Variants in SLC24A4 observed in about 807,000 individuals in gnomAD.
SLC24A4 encodes the protein sodium/potassium/calcium exchanger 4.
In SLC24A4, 53 loss-of-function variants were observed where a neutral mutation model predicts 79.0. The ratio of observed to expected loss-of-function variants is 0.67; its 90% CI spans 0.54 to 0.84. The LOEUF (loss-of-function observed/expected upper bound fraction) is 0.84, where lower values mean the gene tolerates loss of function less well. SLC24A4 is among the 40% of genes least tolerant of loss of function. SLC24A4 has a pLI of 0.00. For synonymous variants in SLC24A4, 323 were observed against 323.8 expected (o/e 1.00, Z 0.03); for missense variants, 731 against 822.0 (o/e 0.89, Z 1.35).
At chr14:92,428,991 A>G (rs1021833462) in intron 2 of SLC24A4, among the ~76,000 whole-genome samples, 1 of 152,230 alleles carries the variant, frequency 6.6e-6, no homozygotes, top group African/African-American at 2.4e-5. Context: ...GGGAAAGGAA[A>G]CGTCAGTGGT....
chr14:92,383,874 G>A (rs188351719), intron 2 of SLC24A4, among the ~76,000 whole-genome samples: 10 of 152,258 alleles, frequency 6.6e-5, no homozygotes, highest in East Asian at 3.9e-4. Flanking sequence ...CAGCATTTCC[G>A]CGGGAAGATC....
At chr14:92,492,320 T>C in intron 16 of SLC24A4, 80 bp downstream of exon 16, 1 of 1,313,132 alleles carries the variant, frequency 7.6e-7, no homozygotes, top group Non-Finnish European at 1.1e-6. Flanking sequence ...TACGTGACTC[T>C]GTACACCCCT....
chr14:92,451,534 T>C (rs1285897115), intron 10 of SLC24A4: 1 of 152,242 alleles, frequency 6.6e-6, no homozygotes, highest in Non-Finnish European at 1.5e-5. Flanking sequence ...CCCAAAGGAA[T>C]GCACGGGTTG....
intron 2 of SLC24A4, among the ~76,000 whole-genome samples, chr14:92,390,345 C>A (rs78487705): frequency 0.11 from 17,313 of 151,988 alleles, 1,304 homozygotes; most frequent in Middle Eastern, 0.17. Context: ...CCAACAGGAC[C>A]CGAATTCCCT....
At chr14:92,468,071 C>G (rs1894221075) in intron 12 of SLC24A4, among the ~76,000 whole-genome samples, 1 of 152,112 alleles carries the variant, frequency 6.6e-6, no homozygotes, top group Admixed American at 6.5e-5. Flanking sequence ...ATTTAATAAA[C>G]ATGCAGCATA....
chr14:92,476,906 ATAT>A (rs1184156549), intron 12 of SLC24A4, among the ~76,000 whole-genome samples: 1 of 152,202 alleles, frequency 6.6e-6, no homozygotes, highest in East Asian at 1.9e-4. Flanking sequence ...TGGCTGAATA[ATAT>A]TCCTTTGTAT....
intron 12 of SLC24A4, among the ~76,000 whole-genome samples, chr14:92,460,660 C>G (rs566795026): frequency 1.3e-5 from 2 of 152,180 alleles, no homozygotes; most frequent in Admixed American, 1.3e-4. Context: ...CAGGTAGGAA[C>G]AGGACAGCCA....
At chr14:92,407,857 TTGTGTGTGTGTGTGTGTGTG>T (rs60398538) in intron 2 of SLC24A4, among the ~76,000 whole-genome samples, 2 of 143,590 alleles carry the variant, frequency 1.4e-5, no homozygotes, top group Non-Finnish European at 3.0e-5. Flanking sequence ...CAGAGTGATA[TTGTGTGTGTGTGTGTGTGTG>T]TGTGTGTGTG....
At chr14:92,447,474 C>T in intron 9 of SLC24A4, 50 bp downstream of exon 9, 1 of 1,524,730 alleles carries the variant, frequency 6.6e-7, no homozygotes, top group Non-Finnish European at 9.1e-7. Context: ...GCCCCACTGC[C>T]TGCTACAGCC....
chr14:92,471,302 C>A (rs1488585908), intron 12 of SLC24A4, among the ~76,000 whole-genome samples: 1 of 152,180 alleles, frequency 6.6e-6, no homozygotes, highest in East Asian at 1.9e-4. Context: ...GCAGAAGGCT[C>A]ATACTACGGA....
chr14:92,411,676 A>G (rs7143529), intron 2 of SLC24A4, among the ~76,000 whole-genome samples: 113,536 of 152,062 alleles, frequency 0.75, 42,986 homozygotes, highest in East Asian at 0.97. Flanking sequence ...TCTTTTTAGA[A>G]TTTCCTGTAG....
chr14:92,479,966 C>T (rs1019881111), intron 12 of SLC24A4, among the ~76,000 whole-genome samples: 14 of 152,048 alleles, frequency 9.2e-5, no homozygotes, highest in Middle Eastern at 3.2e-3. Flanking sequence ...TAGGATTCTT[C>T]GTAGTATTCC....
intron 13 of SLC24A4, among the ~76,000 whole-genome samples, 156 bp downstream of exon 13, chr14:92,483,002 A>G (rs914721822): frequency 4.0e-4 from 16 of 39,998 alleles, no homozygotes; most frequent in African/African-American, 7.1e-4. Context: ...GGTTTGAATG[A>G]GGTGCATGAC....
chr14:92,419,775 G>C (rs1024912571), intron 2 of SLC24A4, among the ~76,000 whole-genome samples: 1 of 152,200 alleles, frequency 6.6e-6, no homozygotes, highest in African/African-American at 2.4e-5. Context: ...TGTGTTTCAT[G>C]AATAAAGGGT....
intron 2 of SLC24A4, among the ~76,000 whole-genome samples, chr14:92,431,173 T>C (rs1385158387): frequency 6.6e-6 from 1 of 152,246 alleles, no homozygotes; most frequent in East Asian, 1.9e-4. Context: ...CTGTGTGTTC[T>C]GTGGAGTTGT....
At chr14:92,410,816 T>C (rs938474536) in intron 2 of SLC24A4, among the ~76,000 whole-genome samples, 2 of 152,182 alleles carry the variant, frequency 1.3e-5, no homozygotes, top group Admixed American at 1.3e-4. Context: ...GGTCTCTGGA[T>C]GAAGGTGTGG....
rs1414655432 is a variant in SLC24A4, at chr14:92,493,769, G to A, written c.*141G>A. 23 of 1,045,700 alleles carry A rather than the reference G, an allele frequency of 2.2e-5. No homozygotes were observed. The highest frequency in any genetic ancestry group is 1.3e-4 in the South Asian group (8 of 60,066). The allele number at this position is 1,045,700 out of a possible 1,614,324, so 64.8% of individuals were successfully genotyped here. On this transcript the variant is annotated 3_prime_UTR_variant, in exon 17 of 17. Coordinates refer to ENST00000532405, the MANE Select transcript of SLC24A4 (RefSeq NM_153646.4). Reference sequence around the variant, plus strand: ...TCACACACTGGAAGGAAGAGCCATCGTGGTCTTTGTCTGGCCACAGGCCAG... The same window carrying A: ...TCACACACTGGAAGGAAGAGCCATCATGGTCTTTGTCTGGCCACAGGCCAG...
intron 15 of SLC24A4, 72 bp from the exon 16 acceptor site, chr14:92,492,103 C>A (rs1470404124): frequency 2.9e-6 from 4 of 1,382,172 alleles, no homozygotes; most frequent in African/African-American, 2.9e-5. Context: ...TGGGCCCAGG[C>A]ATGCTGGGAT....
Position 92,496,341 on chromosome 14 carries a change from A to G in SLC24A4, c.*2713A>G, listed in dbSNP as rs1171615692. On this transcript the variant is annotated 3_prime_UTR_variant, in exon 17 of 17. Transcript: ENST00000532405. ...GAATTGCATGATTAATTAGGCTTTC[A>G]TTTTTAAATTACGCTTTCATCACTA... is the stretch of plus-strand genomic sequence containing the variant. 6.6e-6 allele frequency: 1 copy of G among 152,444 alleles called. No individual in the cohort carries two copies. The highest frequency in any genetic ancestry group is 1.5e-5 in the Non-Finnish European group (1 of 68,016). 9.4% of individuals were successfully genotyped at this position (152,444 alleles called of 1,614,324 possible). A position where few individuals can be genotyped will look rare whatever the true frequency, so the allele number is the denominator to read the frequency against.
Sources: gnomAD v4.1 joint callset for allele counts (sites outside exome capture counted in the v4.1 genomes callset) on GRCh38, gnomAD v4.1.1 for gene constraint, MANE v1.5 for transcripts, NCBI Gene and HGNC (gene_info 2026-07-23, HGNC 2026-07-21) for gene names.